CTBS: variants seen among roughly 807,000 people sequenced by gnomAD.
The protein encoded by CTBS is chitobiase.
CTBS carries 35 observed loss-of-function variants against 44.3 expected under a neutral mutation model. The ratio of observed to expected loss-of-function variants is 0.79; its 90% CI spans 0.60 to 1.05. The LOEUF (loss-of-function observed/expected upper bound fraction) is 1.05, where lower values mean the gene tolerates loss of function less well. Among genes scored for constraint, CTBS ranks in the 50% least tolerant of loss-of-function variants. The pLI, the probability that CTBS is intolerant of heterozygous loss-of-function variation, is 0.00. For missense variants in CTBS, 458 were observed against 475.3 expected (o/e 0.96, Z 0.34); for synonymous variants, 143 against 168.0 (o/e 0.85, Z 1.15).
chr1:84,568,984 ATTTC>A (rs1231164697), intron 3 of CTBS, among the ~76,000 whole-genome samples: 2 of 152,180 alleles, frequency 1.3e-5, no homozygotes, highest in Non-Finnish European at 2.9e-5. Context: ...AGTCTCAGGT[ATTTC>A]TTTATAGCAA....
At position 84,574,436 on chromosome 1, in the gene CTBS, G is replaced by C; in HGVS notation, c.-21C>G. 7 of 1,506,576 alleles carry C rather than the reference G, an allele frequency of 4.6e-6. 1 individual carries two copies. The highest frequency in any genetic ancestry group is 2.6e-5 in the South Asian group (2 of 77,774). The allele number at this position is 1,506,576 out of a possible 1,614,324, so 93.3% of individuals were successfully genotyped here. On this transcript the variant is annotated 5_prime_UTR_variant, in exon 1 of 7. Transcript: ENST00000370630. ...GACATAGCAGCAGGTCTAGCGGGCC[G>C]GAGTGGGTTCCTACCGCCTGGGTGG...
rs948493685 is a variant in CTBS at position 84,550,929 on chromosome 1, C to A, written c.*4070G>T. 2 of 977,574 alleles carry A rather than the reference C, an allele frequency of 2.0e-6. No individual in the cohort carries two copies. Among genetic ancestry groups the A allele is most frequent in the Non-Finnish European group, 2.4e-6 (2 of 823,028 alleles). The allele number at this position is 977,574 out of a possible 1,614,324, so 60.6% of individuals were successfully genotyped here. On this transcript the variant is annotated 3_prime_UTR_variant, in exon 7 of 7. Coordinates refer to ENST00000370630, the MANE Select transcript of CTBS (RefSeq NM_004388.3). ...TCGTTTCATTTTTTCTGGTTATTTT[C>A]ATATGTATTCTATTATTTAAATATG... is the stretch of plus-strand genomic sequence containing the variant.
At position 84,550,415 on chromosome 1, in the gene CTBS, T is replaced by C. The variant is rs370093562; in HGVS notation, c.*4584A>G. 9.8e-6 allele frequency: 13 copies of C among 1,330,822 alleles called. No homozygotes were observed. Among genetic ancestry groups the C allele is most frequent in the South Asian group, 4.8e-5 (3 of 63,156 alleles). 82.4% of individuals were successfully genotyped at this position (1,330,822 alleles called of 1,614,324 possible). On this transcript the variant is annotated 3_prime_UTR_variant, in exon 7 of 7. Transcript: ENST00000370630. ...GTTTATATGTTATACTAAATAAATA[T>C]CTATCTATCCACACAGAATTACCTA...
In CTBS at chr1:84,574,320, C is replaced by G. The variant is rs1483799547; in HGVS notation, c.96G>C (p.Ala32=). Residue 32 remains alanine, a synonymous_variant, in exon 1 of 7, where the codon GCG becomes GCC. Transcript: ENST00000370630. ...LALLALLALL[A]LRLAAGTDCP... ...AGTCGGTCCCGGCCGCGAGCCGCAG[C>G]GCCAGCAGCGCCAGCAGCGCCAGCA... 3.7e-6 allele frequency: 3 copies of G among 805,168 alleles called. No homozygotes were observed. The highest frequency in any genetic ancestry group is 3.0e-5 in the South Asian group (1 of 32,840). The allele number at this position is 805,168 out of a possible 1,614,324, so 49.9% of individuals were successfully genotyped here. A position where few individuals can be genotyped will look rare whatever the true frequency, so the allele number is the denominator to read the frequency against.
At chr1:84,558,062 A>G (rs531112839) in intron 6 of CTBS, among the ~76,000 whole-genome samples, 35 of 152,276 alleles carry the variant, frequency 2.3e-4, no homozygotes, top group Non-Finnish European at 3.7e-4. Context: ...TTCAATTAGG[A>G]ACAATAAATA....
intron 6 of CTBS, among the ~76,000 whole-genome samples, chr1:84,556,649 T>C (rs575534819): frequency 6.8e-6 from 1 of 147,978 alleles, no homozygotes; most frequent in Admixed American, 6.8e-5. Context: ...GAGACGGAGG[T>C]TGCAGTAAGC....
chr1:84,563,635 A>G, intron 5 of CTBS, 100 bp downstream of exon 5: 1 of 752,964 alleles, frequency 1.3e-6, no homozygotes. Context: ...CTCAAACTAT[A>G]TTTCAGAGAT....
chr1:84,573,918 T>C (rs778800827), intron 1 of CTBS: 1 of 1,239,620 alleles, frequency 8.1e-7, no homozygotes, highest in East Asian at 4.0e-5. Context: ...TATCCTACCT[T>C]GTTTGCTTTT....
intron 1 of CTBS, among the ~76,000 whole-genome samples, chr1:84,571,993 AT>A (rs1223028525): frequency 6.6e-6 from 1 of 152,212 alleles, no homozygotes; most frequent in Non-Finnish European, 1.5e-5. Flanking sequence ...TCCTGCAAGT[AT>A]GTGGAACTGG....
At chr1:84,561,383 T>A (rs1011603903) in intron 6 of CTBS, among the ~76,000 whole-genome samples, 8 of 152,336 alleles carry the variant, frequency 5.3e-5, no homozygotes, top group Non-Finnish European at 1.2e-4. Context: ...TTTGAATAGA[T>A]GAGGAGCTAC....
At chr1:84,562,556 T>C (rs1392086795) in intron 6 of CTBS, among the ~76,000 whole-genome samples, 1 of 152,208 alleles carries the variant, frequency 6.6e-6, no homozygotes, top group Non-Finnish European at 1.5e-5. Flanking sequence ...TAACATAATC[T>C]GAAATAAATT....
intron 1 of CTBS, among the ~76,000 whole-genome samples, chr1:84,573,173 C>G (rs1467415742): frequency 6.6e-6 from 1 of 152,186 alleles, no homozygotes; most frequent in East Asian, 1.9e-4. Context: ...CTATCAGAAA[C>G]TGCCAACTAA....
rs1684228081 is a variant in CTBS at position 84,550,153 on chromosome 1, C to G, written c.*4846G>C. The G allele has an allele frequency of 4.9e-6, 1 of 202,734 alleles. No individual in the cohort carries two copies. The highest frequency in any genetic ancestry group is 9.9e-6 in the Non-Finnish European group (1 of 101,504). 12.6% of individuals were successfully genotyped at this position (202,734 alleles called of 1,614,324 possible). A position where few individuals can be genotyped will look rare whatever the true frequency, so the allele number is the denominator to read the frequency against. ...TAAAGCATTATGACAATTTTAAAGTCTTGCTAATAACTAAGATATTATTCC... is the reference window on the plus strand; with the variant it reads ...TAAAGCATTATGACAATTTTAAAGTGTTGCTAATAACTAAGATATTATTCC... On this transcript the variant is annotated 3_prime_UTR_variant, in exon 7 of 7. Transcript: ENST00000370630.
Position 84,554,795 on chromosome 1 carries a change from G to A in CTBS, c.*204C>T, listed in dbSNP as rs1353126466. The stretch of plus-strand genomic sequence containing the variant: ...TAATAGAGGAATATTTAATAGGTAA[G>A]TTGACTTGCTTCTTGCCTTTATGTT... On this transcript the variant is annotated 3_prime_UTR_variant, in exon 7 of 7. Coordinates refer to ENST00000370630, the MANE Select transcript of CTBS (RefSeq NM_004388.3). 2.0e-5 allele frequency: 10 copies of A among 490,294 alleles called. No homozygotes were observed. Among genetic ancestry groups the A allele is most frequent in the Non-Finnish European group, 3.2e-5 (9 of 278,992 alleles). 30.4% of individuals were successfully genotyped at this position (490,294 alleles called of 1,614,324 possible).
rs979215231 is a variant in CTBS, at chr1:84,551,224, C to T, written c.*3775G>A. On this transcript the variant is annotated 3_prime_UTR_variant, in exon 7 of 7. Transcript: ENST00000370630. ...CCACAGCAAGGCAGGAAAATGAGAA[C>T]GATAATTATATGAATGCTCTCATTT... is the stretch of plus-strand genomic sequence containing the variant. The T allele has an allele frequency of 3.2e-5, 32 of 984,902 alleles. No homozygotes were observed. The South Asian group carries it at 5.2e-4, about 16-fold the overall frequency. 61.0% of individuals were successfully genotyped at this position (984,902 alleles called of 1,614,324 possible).
At chr1:84,568,576 A>G (rs1264670598) in intron 3 of CTBS, among the ~76,000 whole-genome samples, 1 of 152,188 alleles carries the variant, frequency 6.6e-6, no homozygotes, top group Non-Finnish European at 1.5e-5. Flanking sequence ...TGGCAAAAAT[A>G]CAGTTCTCTA....
chr1:84,573,806 T>A, intron 1 of CTBS: 1 of 834,834 alleles, frequency 1.2e-6, no homozygotes, highest in African/African-American at 1.8e-5. Context: ...CTAGCAGGTA[T>A]AGAAAACTAA....
In CTBS at chr1:84,551,248, T is replaced by C. The variant is rs182905910; in HGVS notation, c.*3751A>G. On this transcript the variant is annotated 3_prime_UTR_variant, in exon 7 of 7. Transcript: ENST00000370630. ...ACGATAATTATATGAATGCTCTCAT[T>C]TCTTTATCAGAAACAGCTTTATGAC... is the stretch of plus-strand genomic sequence containing the variant. The C allele has an allele frequency of 4.6e-5, 45 of 985,022 alleles. No individual in the cohort carries two copies. The African/African-American group carries it at 7.7e-4, about 17-fold the overall frequency. The allele number at this position is 985,022 out of a possible 1,614,324, so 61.0% of individuals were successfully genotyped here. A position where few individuals can be genotyped will look rare whatever the true frequency, so the allele number is the denominator to read the frequency against.
rs1684372585 is a variant in CTBS, at chr1:84,554,550, T to A, written c.*449A>T. ...AGACACTACATTGTAGGTTTTAAAT[T>A]TAAGATTTATTGGAGGGTTGGGGGA... On this transcript the variant is annotated 3_prime_UTR_variant, in exon 7 of 7. Transcript: ENST00000370630. 6.3e-6 allele frequency: 1 copy of A among 158,320 alleles called. No individual in the cohort carries two copies. The highest frequency in any genetic ancestry group is 1.4e-5 in the Non-Finnish European group (1 of 71,724). The allele number at this position is 158,320 out of a possible 1,614,324, so 9.8% of individuals were successfully genotyped here.
Sources: allele counts gnomAD v4.1 joint callset (sites outside exome capture counted in the v4.1 genomes callset), GRCh38; gene constraint gnomAD v4.1.1; transcripts MANE v1.5; gene names NCBI Gene and HGNC (gene_info 2026-07-23, HGNC 2026-07-21).